Variants in CAMK1D observed in about 807,000 individuals in gnomAD.
The protein encoded by CAMK1D is calcium/calmodulin dependent protein kinase ID, also known as calcium/calmodulin-dependent protein kinase type 1D.
CAMK1D carries 9 observed loss-of-function variants against 47.7 expected under a neutral mutation model. That is an observed-to-expected ratio of 0.19 (90% confidence interval 0.11 to 0.33). CAMK1D has a LOEUF of 0.33. Ranked by LOEUF, CAMK1D falls within the 10% of genes least tolerant of loss-of-function variation. The pLI is 1.00. For synonymous variants in CAMK1D, 184 were observed against 184.9 expected (o/e 0.99, Z 0.04); for missense variants, 291 against 488.7 (o/e 0.60, Z 3.81).
At position 12,421,511 on chromosome 10, in the gene CAMK1D, C is replaced by CTTTTTTT. The variant is rs71384322; in HGVS notation, c.92+71627_92+71633dup. Among the ~76,000 whole-genome samples the CTTTTTTT allele has an allele frequency of 8.1e-4, 41 of 50,752 alleles. 3 individuals carry two copies. The highest frequency in any genetic ancestry group is 1.1e-3 in the Admixed American group (3 of 2,770). The allele number at this position is 50,752 out of a possible 152,430, so 33.3% of individuals were successfully genotyped here. ...CATGCTGGGCCATTTATCCAGGATT[C>CTTTTTTT]TTTTTTTTTTTTTTTTTTTTTTTTT... On this transcript the variant is annotated intron_variant, in intron 1 of 10. Transcript: ENST00000619168.
intron 2 of CAMK1D, among the ~76,000 whole-genome samples, chr10:12,648,721 T>C (rs113033718): frequency 5.3e-5 from 8 of 152,316 alleles, no homozygotes; most frequent in African/African-American, 1.9e-4. Context: ...TCCACCCACC[T>C]CAGCCTCCCG....
chr10:12,490,019 G>T (rs887201415), intron 1 of CAMK1D, among the ~76,000 whole-genome samples: 6 of 152,200 alleles, frequency 3.9e-5, no homozygotes, highest in African/African-American at 1.4e-4. Context: ...ACGGGTCTGG[G>T]CTCTGGATGT....
At chr10:12,546,397 C>G (rs1200975972) in intron 1 of CAMK1D, among the ~76,000 whole-genome samples, 1 of 152,080 alleles carries the variant, frequency 6.6e-6, no homozygotes, top group Non-Finnish European at 1.5e-5. Flanking sequence ...AGACAGGTTT[C>G]TAGACCACAT....
chr10:12,652,638 G>T (rs945134002), intron 2 of CAMK1D, among the ~76,000 whole-genome samples: 10 of 152,218 alleles, frequency 6.6e-5, no homozygotes, highest in African/African-American at 1.9e-4. Flanking sequence ...GAGTTTATTA[G>T]CCACAACCTA....
chr10:12,650,230 T>C (rs1839921971), intron 2 of CAMK1D, among the ~76,000 whole-genome samples: 1 of 152,160 alleles, frequency 6.6e-6, no homozygotes, highest in African/African-American at 2.4e-5. Context: ...CTCTTTTCCT[T>C]TGCCTTCCTG....
chr10:12,820,133 G>T (rs552725446), intron 8 of CAMK1D, among the ~76,000 whole-genome samples: 1 of 152,148 alleles, frequency 6.6e-6, no homozygotes, highest in African/African-American at 2.4e-5. Flanking sequence ...TCCGCTTCCC[G>T]GGTTCAAACG....
chr10:12,620,261 A>G (rs895517698), intron 2 of CAMK1D, among the ~76,000 whole-genome samples: 43 of 150,936 alleles, frequency 2.8e-4, no homozygotes, highest in African/African-American at 9.4e-4. Context: ...TTGTGTGAAC[A>G]TAACTTTTTA....
chr10:12,513,787 G>A (rs1394731368), intron 1 of CAMK1D, among the ~76,000 whole-genome samples: 5 of 152,082 alleles, frequency 3.3e-5, no homozygotes, highest in Admixed American at 6.5e-5. Context: ...GGTGACAGAG[G>A]GAGCCCCTGT....
chr10:12,380,252 C>T (rs1838302040), intron 1 of CAMK1D, among the ~76,000 whole-genome samples: 1 of 152,118 alleles, frequency 6.6e-6, no homozygotes, highest in Non-Finnish European at 1.5e-5. Flanking sequence ...GATTGAACAT[C>T]AGGTGAAACC....
intron 1 of CAMK1D, among the ~76,000 whole-genome samples, chr10:12,523,271 G>A (rs879317038): frequency 4.0e-5 from 6 of 151,328 alleles, no homozygotes; most frequent in Admixed American, 6.6e-5. Flanking sequence ...CTGGGTGGCC[G>A]GGCAGAGGGG....
intron 2 of CAMK1D, among the ~76,000 whole-genome samples, chr10:12,575,663 G>A (rs761020275): frequency 6.6e-6 from 1 of 152,194 alleles, no homozygotes; most frequent in African/African-American, 2.4e-5. Context: ...AGAATCATGA[G>A]TATTGTTTTG....
At chr10:12,608,876 C>T (rs921573303) in intron 2 of CAMK1D, among the ~76,000 whole-genome samples, 19 of 152,232 alleles carry the variant, frequency 1.2e-4, no homozygotes, top group African/African-American at 4.1e-4. Context: ...TATTTCAGCC[C>T]TACCAGTGTC....
At chr10:12,692,060 G>C (rs1358281786) in intron 3 of CAMK1D, among the ~76,000 whole-genome samples, 2 of 152,062 alleles carry the variant, frequency 1.3e-5, no homozygotes, top group Non-Finnish European at 2.9e-5. Flanking sequence ...CTTCTGTTTT[G>C]CTCATGATTT....
chr10:12,468,896 A>G (rs1302564831), intron 1 of CAMK1D, among the ~76,000 whole-genome samples: 1 of 152,160 alleles, frequency 6.6e-6, no homozygotes, highest in Non-Finnish European at 1.5e-5. Flanking sequence ...CAAGCAAATA[A>G]TTAGGTCTTG....
rs1327578103 is a variant in CAMK1D, at chr10:12,734,422, GTA to G, written c.300-26515_300-26514del. Among the ~76,000 whole-genome samples the G allele has an allele frequency of 4.0e-3, 21 of 5,200 alleles. 2 individuals carry two copies. Among genetic ancestry groups the G allele is most frequent in the East Asian group, 0.091 (2 of 22 alleles). 3.4% of individuals were successfully genotyped at this position (5,200 alleles called of 152,430 possible). ...TATATATATACACACACACACACAT[GTA>G]TATATATATACACACACACATATGT... On this transcript the variant is annotated intron_variant, in intron 3 of 10. Coordinates refer to ENST00000619168, the MANE Select transcript of CAMK1D (RefSeq NM_153498.4).
chr10:12,663,072 C>T (rs1840323517), intron 2 of CAMK1D, among the ~76,000 whole-genome samples: 1 of 152,192 alleles, frequency 6.6e-6, no homozygotes, highest in African/African-American at 2.4e-5. Context: ...AACGATTGTC[C>T]TGCCTCAGCC....
At chr10:12,674,705 T>C (rs574114184) in intron 3 of CAMK1D, among the ~76,000 whole-genome samples, 1 of 147,646 alleles carries the variant, frequency 6.8e-6, no homozygotes, top group Admixed American at 6.9e-5. Context: ...GTCAGTTCGT[T>C]TGGAATTTAT....
At chr10:12,628,974 C>T (rs928081542) in intron 2 of CAMK1D, among the ~76,000 whole-genome samples, 1 of 152,150 alleles carries the variant, frequency 6.6e-6, no homozygotes. Flanking sequence ...GGATACTAGT[C>T]CATTGTCTAG....
intron 2 of CAMK1D, among the ~76,000 whole-genome samples, chr10:12,563,722 T>C (rs923502499): frequency 7.8e-6 from 1 of 128,606 alleles, no homozygotes; most frequent in Non-Finnish European, 1.7e-5. Flanking sequence ...AGAGAGAGAA[T>C]GAGGATTCCT....
Sources: gnomAD v4.1 joint callset for allele counts (sites outside exome capture counted in the v4.1 genomes callset) on GRCh38, gnomAD v4.1.1 for gene constraint, MANE v1.5 for transcripts, NCBI Gene and HGNC (gene_info 2026-07-23, HGNC 2026-07-21) for gene names.